Variants in TRAPPC3 observed in about 807,000 individuals in gnomAD.
The protein encoded by TRAPPC3 is trafficking protein particle complex 3.
A neutral mutation model predicts 18.2 loss-of-function variants in TRAPPC3; 5 were observed. That is an observed-to-expected ratio of 0.28 (90% confidence interval 0.14 to 0.58). The LOEUF is 0.58. Ranked by LOEUF, TRAPPC3 falls within the 20% of genes least tolerant of loss-of-function variation. The pLI is 0.91. For missense variants in TRAPPC3, 176 were observed against 225.9 expected (o/e 0.78, Z 1.41); for synonymous variants, 65 against 84.2 (o/e 0.77, Z 1.25).
At chr1:36,138,979 T>G (rs1281778179) in intron 3 of TRAPPC3, among the ~76,000 whole-genome samples, 1 of 141,116 alleles carries the variant, frequency 7.1e-6, no homozygotes, top group African/African-American at 2.6e-5. Flanking sequence ...GAGGTTGTGG[T>G]GAGCCGAGAT....
chr1:36,151,233 G>C (rs1053609533), upstream of TRAPPC3, among the ~76,000 whole-genome samples: 26 of 152,046 alleles, frequency 1.7e-4, no homozygotes, highest in African/African-American at 5.3e-4. Context: ...GTTCTTAAAG[G>C]CTTCTTAGGC....
At chr1:36,139,603 G>A in intron 3 of TRAPPC3, 117 bp downstream of exon 3, 2 of 1,382,074 alleles carry the variant, frequency 1.4e-6, no homozygotes, top group Non-Finnish European at 2.0e-6. Context: ...GACCCAAAGA[G>A]CTGCCTAGCC....
chr1:36,148,078 T>TA (rs1644226971), intron 1 of TRAPPC3, among the ~76,000 whole-genome samples: 1 of 152,172 alleles, frequency 6.6e-6, no homozygotes, highest in East Asian at 1.9e-4. Context: ...ATTTTATAGA[T>TA]AAAGAAATTG....
chr1:36,150,786 T>C (rs933646197), upstream of TRAPPC3, among the ~76,000 whole-genome samples: 2 of 152,212 alleles, frequency 1.3e-5, no homozygotes, highest in African/African-American at 2.4e-5. Flanking sequence ...GGGAAGGAAC[T>C]TGAGGGTTGG....
At chr1:36,148,807 A>ACATCTCT (rs1285186770) in intron 1 of TRAPPC3, among the ~76,000 whole-genome samples, 1 of 152,124 alleles carries the variant, frequency 6.6e-6, no homozygotes, top group Non-Finnish European at 1.5e-5. Context: ...CAGTATCTGA[A>ACATCTCT]CATCTCTCAC....
At chr1:36,139,199 C>CTTTTTTTTTTTTT in intron 3 of TRAPPC3, among the ~76,000 whole-genome samples, 1 of 134,994 alleles carries the variant, frequency 7.4e-6, no homozygotes, top group African/African-American at 2.8e-5. Context: ...TGCTCTGTTA[C>CTTTTTTTTTTTTT]CCAGGATGGA....
At chr1:36,154,025 G>T (rs1570111089), upstream of TRAPPC3, among the ~76,000 whole-genome samples, 1 of 152,032 alleles carries the variant, frequency 6.6e-6, no homozygotes, top group Non-Finnish European at 1.5e-5. Flanking sequence ...GTTTTGTTGT[G>T]GCAGGGTCTC....
chr1:36,138,939 G>A (rs751352626), intron 3 of TRAPPC3, among the ~76,000 whole-genome samples: 19 of 151,226 alleles, frequency 1.3e-4, no homozygotes, highest in Non-Finnish European at 1.5e-4. Context: ...GGGAGGCTGA[G>A]GCAGAAGAAT....
chr1:36,137,488 C>T, intron 4 of TRAPPC3, 166 bp from the exon 5 acceptor site: 3 of 700,456 alleles, frequency 4.3e-6, no homozygotes, highest in Non-Finnish European at 7.0e-6. Flanking sequence ...AAGACAATGG[C>T]TCCAACCCTT....
chr1:36,139,873 G>A, intron 2 of TRAPPC3, 54 bp from the exon 3 acceptor site: 1 of 1,603,386 alleles, frequency 6.2e-7, no homozygotes, highest in Non-Finnish European at 8.5e-7. Flanking sequence ...TCTTATGTTT[G>A]AACATAAGGT....
intron 3 of TRAPPC3, 28 bp downstream of exon 3, chr1:36,139,692 G>GC (rs771087891): frequency 5.0e-6 from 8 of 1,613,550 alleles, no homozygotes; most frequent in Non-Finnish European, 6.8e-6. Flanking sequence ...CAATTCTTCA[G>GC]CATGGACAGG....
chr1:36,143,660 G>A (rs989137953), intron 1 of TRAPPC3, among the ~76,000 whole-genome samples: 1 of 152,092 alleles, frequency 6.6e-6, no homozygotes, highest in African/African-American at 2.4e-5. Context: ...ATCTATTTTT[G>A]TAACAGTTTC....
chr1:36,149,636 C>A (rs1273022266), upstream of TRAPPC3: 4 of 565,462 alleles, frequency 7.1e-6, no homozygotes, highest in Non-Finnish European at 1.3e-5. Flanking sequence ...CTACAACTCC[C>A]GGAGTGCTCC....
chr1:36,141,609 G>A (rs1364457874), intron 1 of TRAPPC3, among the ~76,000 whole-genome samples: 1 of 152,148 alleles, frequency 6.6e-6, no homozygotes, highest in African/African-American at 2.4e-5. Context: ...TCCAGGAAAG[G>A]CAGGAATTAA....
chr1:36,146,227 C>T (rs1644196615), intron 1 of TRAPPC3, among the ~76,000 whole-genome samples: 1 of 151,716 alleles, frequency 6.6e-6, no homozygotes, highest in African/African-American at 2.4e-5. Context: ...TACAGGTGTG[C>T]ACCACCACAC....
intron 4 of TRAPPC3, chr1:36,137,574 G>A: frequency 1.6e-6 from 1 of 638,562 alleles, no homozygotes. Context: ...GATGTTCCTG[G>A]GCTTTGGGGA....
chr1:36,144,196 G>A (rs1046397357), intron 1 of TRAPPC3, among the ~76,000 whole-genome samples: 5 of 143,634 alleles, frequency 3.5e-5, no homozygotes, highest in Non-Finnish European at 7.5e-5. Context: ...GCTGTGGCAG[G>A]AGAATTGCTT....
At chr1:36,141,775 C>T (rs138796137) in intron 1 of TRAPPC3, among the ~76,000 whole-genome samples, 9,185 of 151,730 alleles carry the variant, frequency 0.061, 739 homozygotes, top group East Asian at 0.26. Context: ...CTGGCTAACA[C>T]GGTGAAACCC....
At chr1:36,149,556 C>T, upstream of TRAPPC3, 1 of 715,544 alleles carries the variant, frequency 1.4e-6, no homozygotes. Context: ...GTGGGCAACT[C>T]CCGCCCAACA....
Sources: allele counts gnomAD v4.1 joint callset (sites outside exome capture counted in the v4.1 genomes callset), GRCh38; gene constraint gnomAD v4.1.1; transcripts MANE v1.5; gene names NCBI Gene and HGNC (gene_info 2026-07-23, HGNC 2026-07-21).